The following SLC10A3 variants were observed in gnomAD, a reference collection of about 807,000 sequenced individuals.
The protein encoded by SLC10A3 is solute carrier family 10 member 3.
SLC10A3 carries 1 observed loss-of-function variant against 1.9 expected under a neutral mutation model. The ratio of observed to expected loss-of-function variants is 0.52; its 90% CI spans 0.19 to 2.48. SLC10A3 has a LOEUF of 2.48. SLC10A3 is among the 30% of genes most tolerant of loss of function. SLC10A3 has a pLI of 0.25. For missense variants in SLC10A3, 317 were observed against 398.5 expected (o/e 0.80, Z 1.74); for synonymous variants, 202 against 189.3 (o/e 1.07, Z -0.55).
intron 1 of SLC10A3, chrX:154,490,101 T>G (rs1219345675): frequency 1.1e-6 from 1 of 950,383 alleles, no homozygotes; most frequent in African/African-American, 2.0e-5. Context: ...CTAGGGGCCA[T>G]CCACCCCATG....
chrX:154,489,225 TA>T, intron 1 of SLC10A3, 143 bp from the exon 2 acceptor site: 3 of 1,112,461 alleles, frequency 2.7e-6, no homozygotes, highest in Non-Finnish European at 2.4e-6. Context: ...CTGCTAAGAG[TA>T]AAACTCAGCA....
At chrX:154,489,363 GA>G in intron 1 of SLC10A3, 2 of 754,396 alleles carry the variant, frequency 2.7e-6, no homozygotes, top group Non-Finnish European at 3.1e-6. Flanking sequence ...GTCCTGCTGG[GA>G]AGCAGGTCCT....
At position 154,489,022 on chromosome X, in the gene SLC10A3, T is replaced by C; in HGVS notation, c.-82A>G. On this transcript the variant is annotated 5_prime_UTR_variant, in exon 2 of 2. Transcript: ENST00000651600. The stretch of plus-strand genomic sequence containing the variant: ...CCCCACTGGTGCTGTTGGGTTGTCC[T>C]GAGAAGGGTTCATGGGTGGGTCCCA... 1 of 1,167,661 alleles carries C rather than the reference T, an allele frequency of 8.6e-7. No homozygotes were observed. The highest frequency in any genetic ancestry group is 1.1e-6 in the Non-Finnish European group (1 of 873,070).
chrX:154,488,834 A>G lies in SLC10A3; in HGVS notation c.107T>C (p.Ile36Thr). The G allele has an allele frequency of 3.3e-6, 4 of 1,210,883 alleles. No individual in the cohort carries two copies. Among genetic ancestry groups the G allele is most frequent in the Non-Finnish European group, 4.5e-6 (4 of 895,366 alleles). ...LSMLRAALLL[I>T]SLPWGAQGTA... ...CCCTTGGGCCCCCCATGGCAGGCTGATGAGCAGCAGGGCAGCTCTGAGCAT... is the reference window on the plus strand; with the variant it reads ...CCCTTGGGCCCCCCATGGCAGGCTGGTGAGCAGCAGGGCAGCTCTGAGCAT... The change falls in exon 2 of 2, where the codon ATC (isoleucine) becomes ACC (threonine). Residue 36 changes from isoleucine (I) to threonine (T), a missense_variant. Coordinates refer to ENST00000651600, the MANE Select transcript of SLC10A3 (RefSeq NM_019848.5).
rs782258845 is a variant in SLC10A3, at chrX:154,487,598, G to A, written c.1343C>T (p.Ala448Val). ...GCCGCTCAGCGCCACAATGAAGGGG[G>A]CCTGGGAGGCATAGTCAGCTTGAAG... is the stretch of plus-strand genomic sequence containing the variant. The part of the protein sequence containing the change: ...RRLQADYASQ[A>V]PFIVALSGTS... Residue 448 changes from alanine to valine, a missense_variant, in exon 2 of 2, where the codon GCC becomes GTC. By Grantham distance (64) the Ala-to-Val change is moderately conservative. Transcript: ENST00000651600. The A allele has an allele frequency of 1.7e-6, 2 of 1,210,060 alleles. No homozygotes were observed. The highest frequency in any genetic ancestry group is 2.2e-6 in the Non-Finnish European group (2 of 895,007).
Position 154,488,219 on chromosome X carries a change from G to T in SLC10A3, c.722C>A (p.Ala241Asp). The change falls in exon 2 of 2, where the codon GCT becomes GAT. Residue 241 changes from alanine (A) to aspartate (D), a missense_variant. Ala to Asp is a moderately radical substitution (Grantham distance 126). Transcript: ENST00000651600. ...CATGAAGACCTTGGCCATGAGGAAA[G>T]CGTACAAGGGCATGACCAGAAACTG... Reference protein sequence around the residue: ...LGQFLVMPLYAFLMAKVFMLP... With the variant: ...LGQFLVMPLYDFLMAKVFMLP... 8.3e-7 allele frequency: 1 copy of T among 1,211,524 alleles called. No individual in the cohort carries two copies. The highest frequency in any genetic ancestry group is 1.1e-6 in the Non-Finnish European group (1 of 895,417).
Position 154,487,314 on chromosome X carries a change from C to A in SLC10A3, c.*193G>T. 1.9e-6 allele frequency: 1 copy of A among 539,999 alleles called. No individual in the cohort carries two copies. The highest frequency in any genetic ancestry group is 3.0e-6 in the Non-Finnish European group (1 of 335,540). 44.5% of individuals were successfully genotyped at this position (539,999 alleles called of 1,213,427 possible). ...AAAGAGTAGAAGGGACCCAAGCTTG[C>A]TTCTCTCTTTTATTGAAATATATTT... On this transcript the variant is annotated 3_prime_UTR_variant, in exon 2 of 2. Coordinates refer to ENST00000651600, the MANE Select transcript of SLC10A3 (RefSeq NM_019848.5).
In SLC10A3 at chrX:154,488,245, G is replaced by C; in HGVS notation, c.696C>G (p.Gly232=). The change falls in exon 2 of 2, where the codon GGC becomes GGG. Residue 232 remains glycine, a synonymous_variant. Transcript: ENST00000651600. Reference sequence around the variant, plus strand: ...CGTACAAGGGCATGACCAGAAACTGGCCCAGGAGGCCCAGCAGCATGGGCT... The same window carrying C: ...CGTACAAGGGCATGACCAGAAACTGCCCCAGGAGGCCCAGCAGCATGGGCT... ...SPQPMLLGLL[G]QFLVMPLYAF... 8.3e-7 allele frequency: 1 copy of C among 1,211,245 alleles called. No homozygotes were observed. Among genetic ancestry groups the C allele is most frequent in the Non-Finnish European group, 1.1e-6 (1 of 895,366 alleles).
chrX:154,489,593 TA>T (rs1473872351), intron 1 of SLC10A3: 4 of 753,953 alleles, frequency 5.3e-6, no homozygotes, highest in Non-Finnish European at 4.7e-6. Flanking sequence ...TCAGTGGAAT[TA>T]TGAGTGTTTC....
Position 154,488,816 on chromosome X carries a change from G to GC in SLC10A3, c.124dup (p.Ala42GlyfsTer36). 1 of 1,210,692 alleles carries GC rather than the reference G, an allele frequency of 8.3e-7. No individual in the cohort carries two copies. On this transcript the variant is annotated frameshift_variant, in exon 2 of 2. Coordinates refer to ENST00000651600, the MANE Select transcript of SLC10A3 (RefSeq NM_019848.5). LOFTEE classifies it low-confidence loss of function (END_TRUNC). Reference sequence around the variant, plus strand: ...GAGGCTGGTGCTGGCTGTCCCTTGGGCCCCCCATGGCAGGCTGATGAGCAG... The same window carrying GC: ...GAGGCTGGTGCTGGCTGTCCCTTGGGCCCCCCCATGGCAGGCTGATGAGCAG...
At position 154,488,383 on chromosome X, in the gene SLC10A3, G is replaced by A. The variant is rs782363314; in HGVS notation, c.558C>T (p.His186=). The A allele has an allele frequency of 9.9e-6, 12 of 1,210,229 alleles. No homozygotes were observed. The highest frequency in any genetic ancestry group is 3.5e-5 in the African/African-American group (2 of 57,390). ...GGTAGAGGATTGGGTTTTCCGAGAA[G>A]TGGGCCAGGTCGGCGCTGAGGGTGG... ...TPATLSADLA[H]FSENPILYLL... Residue 186 remains histidine (H), a synonymous_variant, in exon 2 of 2, where the codon CAC becomes CAT. Coordinates refer to ENST00000651600, the MANE Select transcript of SLC10A3 (RefSeq NM_019848.5).
At position 154,489,935 on chromosome X, in the gene SLC10A3, C is replaced by T; in HGVS notation, c.-143+372G>A. The T allele has an allele frequency of 2.8e-6, 3 of 1,069,700 alleles. No individual in the cohort carries two copies. In the South Asian group the frequency reaches 7.6e-5, roughly 27 times the overall value. The allele number at this position is 1,069,700 out of a possible 1,213,427, so 88.2% of individuals were successfully genotyped here. A position where few individuals can be genotyped will look rare whatever the true frequency, so the allele number is the denominator to read the frequency against. ...GCCTCTGCTGGCTTGAAGTTCGGGTCACTTACCCTGGAGGCCTTGGTCCAG... is the reference window on the plus strand; with the variant it reads ...GCCTCTGCTGGCTTGAAGTTCGGGTTACTTACCCTGGAGGCCTTGGTCCAG... On this transcript the variant is annotated intron_variant, in intron 1 of 1. Coordinates refer to ENST00000651600, the MANE Select transcript of SLC10A3 (RefSeq NM_019848.5).
rs1322055881 is a variant in SLC10A3 at position 154,489,075 on chromosome X, G to T, written c.-135C>A. Reference sequence around the variant, plus strand: ...CCTGTGCTGTCTTCCTTGATGGCAGGGCTGTCCCTGAGGAGGTAAGGGACA... The same window carrying T: ...CCTGTGCTGTCTTCCTTGATGGCAGTGCTGTCCCTGAGGAGGTAAGGGACA... On this transcript the variant is annotated 5_prime_UTR_variant, in exon 2 of 2. Coordinates refer to ENST00000651600, the MANE Select transcript of SLC10A3 (RefSeq NM_019848.5). The T allele has an allele frequency of 8.6e-7, 1 of 1,164,709 alleles. No homozygotes were observed. Among genetic ancestry groups the T allele is most frequent in the African/African-American group, 1.8e-5 (1 of 56,315 alleles).
Position 154,487,776 on chromosome X carries a change from C to T in SLC10A3, c.1165G>A (p.Gly389Ser). 1.7e-6 allele frequency: 2 copies of T among 1,211,213 alleles called. No homozygotes were observed. The highest frequency in any genetic ancestry group is 3.0e-5 in the East Asian group (1 of 33,853). ...AGGCCAACCAGGGGCACCGTGATAC[C>T]CACCAGTACGATGGGTAGCCGGATG... is the stretch of plus-strand genomic sequence containing the variant. ...AGIRLPIVLVGITVPLVGLLV... is the reference protein window; with the variant it reads ...AGIRLPIVLVSITVPLVGLLV... Residue 389 changes from glycine (G) to serine (S), a missense_variant, in exon 2 of 2, where the codon GGT becomes AGT. Transcript: ENST00000651600.
At position 154,488,800 on chromosome X, in the gene SLC10A3, G is replaced by A. The variant is rs782369926; in HGVS notation, c.141C>T (p.Ser47=). The change falls in exon 2 of 2, where the codon AGC becomes AGT. Residue 47 remains serine (S), a synonymous_variant. Coordinates refer to ENST00000651600, the MANE Select transcript of SLC10A3 (RefSeq NM_019848.5). The stretch of plus-strand genomic sequence containing the variant: ...GACCCCCAGCAGTGCTGAGGCTGGT[G>A]CTGGCTGTCCCTTGGGCCCCCCATG... ...SLPWGAQGTA[S]TSLSTAGGHT... The A allele has an allele frequency of 5.5e-5, 67 of 1,209,706 alleles. No individual in the cohort carries two copies. The highest frequency in any genetic ancestry group is 7.5e-5 in the Non-Finnish European group (67 of 894,852).
chrX:154,487,798 G>A lies in SLC10A3; in HGVS notation c.1143C>T (p.Ile381=). 1 of 1,211,408 alleles carries A rather than the reference G, an allele frequency of 8.3e-7. No individual in the cohort carries two copies. The highest frequency in any genetic ancestry group is 1.1e-6 in the Non-Finnish European group (1 of 895,593). ...YRMGVFILAG[I]RLPIVLVGIT... ...TACCCACCAGTACGATGGGTAGCCG[G>A]ATGCCTGCCAGGATGAAGACCCCCA... Residue 381 remains isoleucine, a synonymous_variant, in exon 2 of 2, where the codon ATC becomes ATT. Coordinates refer to ENST00000651600, the MANE Select transcript of SLC10A3 (RefSeq NM_019848.5).
chrX:154,488,770 G>A lies in SLC10A3; in HGVS notation c.171C>T (p.Thr57=), dbSNP rs782590930. 1.8e-5 allele frequency: 22 copies of A among 1,209,797 alleles called. No homozygotes were observed. The highest frequency in any genetic ancestry group is 2.2e-5 in the Non-Finnish European group (20 of 894,793). Residue 57 remains threonine (T), a synonymous_variant, in exon 2 of 2, where the codon ACC becomes ACT. Coordinates refer to ENST00000651600, the MANE Select transcript of SLC10A3 (RefSeq NM_019848.5). ...STSLSTAGGH[T]VPPTGGRYLS... is the part of the protein sequence containing the mutation. Reference sequence around the variant, plus strand: ...AGTAGCGGCCCCCAGTCGGTGGCACGGTGTGACCCCCAGCAGTGCTGAGGC... The same window carrying A: ...AGTAGCGGCCCCCAGTCGGTGGCACAGTGTGACCCCCAGCAGTGCTGAGGC...
intron 1 of SLC10A3, chrX:154,489,925 A>C: frequency 7.6e-6 from 8 of 1,059,463 alleles, no homozygotes; most frequent in Non-Finnish European, 9.9e-6. Flanking sequence ...TGCTGGCTTG[A>C]AGTTCGGGTC....
Position 154,487,765 on chromosome X carries a change from C to T in SLC10A3, c.1176G>A (p.Val392=). The part of the protein sequence containing the change: ...RLPIVLVGIT[V]PLVGLLVGYC... ...AGCCCACCAACAGGCCAACCAGGGG[C>T]ACCGTGATACCCACCAGTACGATGG... The change falls in exon 2 of 2, where the codon GTG becomes GTA. Residue 392 remains valine, a synonymous_variant. Coordinates refer to ENST00000651600, the MANE Select transcript of SLC10A3 (RefSeq NM_019848.5). The T allele has an allele frequency of 3.3e-6, 4 of 1,211,205 alleles. No individual in the cohort carries two copies. Among genetic ancestry groups the T allele is most frequent in the Non-Finnish European group, 4.5e-6 (4 of 895,540 alleles).
Sources: gnomAD v4.1 joint callset for allele counts on GRCh38, gnomAD v4.1.1 for gene constraint, MANE v1.5 for transcripts, NCBI Gene and HGNC (gene_info 2026-07-23, HGNC 2026-07-21) for gene names.